The following DPP10 variants were observed in gnomAD, a reference collection of about 807,000 sequenced individuals.
The protein encoded by DPP10 is dipeptidyl peptidase like 10.
DPP10 carries 33 observed loss-of-function variants against 120.9 expected under a neutral mutation model. That is an observed-to-expected ratio of 0.27 (90% confidence interval 0.21 to 0.37). The LOEUF (loss-of-function observed/expected upper bound fraction) is 0.37, where lower values mean the gene tolerates loss of function less well. Among genes scored for constraint, DPP10 ranks in the 10% least tolerant of loss-of-function variants. The probability of loss-of-function intolerance (pLI) is 1.00; values close to 1 mark genes in which losing one functional copy is unlikely to be tolerated. For missense variants in DPP10, 816 were observed against 942.8 expected (o/e 0.87, Z 1.76); for synonymous variants, 337 against 326.1 (o/e 1.03, Z -0.36).
intron 1 of DPP10, among the ~76,000 whole-genome samples, chr2:115,058,829 C>A (rs1183501198): frequency 6.6e-6 from 1 of 152,130 alleles, no homozygotes; most frequent in Non-Finnish European, 1.5e-5. Flanking sequence ...CCATTCACAG[C>A]CTTGGTCTTC....
intron 1 of DPP10, among the ~76,000 whole-genome samples, chr2:114,633,283 G>A (rs1381267878): frequency 1.9e-5 from 2 of 105,030 alleles, no homozygotes; most frequent in South Asian, 5.8e-4. Context: ...ACAGAGTCTC[G>A]CTCTATCACC....
In DPP10 at chr2:115,736,627, A is replaced by T. The variant is rs190276838; in HGVS notation, c.698-3112A>T. On this transcript the variant is annotated intron_variant, in intron 8 of 25. Transcript: ENST00000410059. Reference sequence around the variant, plus strand: ...CAAAATGCTACACTGTCTTGATGGAAAGGTTTTCATATAATTCATGTGCCT... The same window carrying T: ...CAAAATGCTACACTGTCTTGATGGATAGGTTTTCATATAATTCATGTGCCT... Among the ~76,000 whole-genome samples, 44 of 152,244 alleles carry T rather than the reference A, an allele frequency of 2.9e-4. No individual in the cohort carries two copies. In the East Asian group the frequency reaches 7.9e-3, roughly 27 times the overall value.
intron 3 of DPP10, chr2:115,468,130 AG>A: frequency 4.1e-6 from 2 of 491,974 alleles, no homozygotes; most frequent in Non-Finnish European, 8.1e-6. Context: ...GAACCCACTT[AG>A]GTGGCACCAA....
In DPP10 at chr2:115,842,412, AT is replaced by A; in HGVS notation, c.*68del. The A allele has an allele frequency of 6.5e-7, 1 of 1,532,668 alleles. No homozygotes were observed. 94.9% of individuals were successfully genotyped at this position (1,532,668 alleles called of 1,614,324 possible). On this transcript the variant is annotated 3_prime_UTR_variant, in exon 26 of 26. Coordinates refer to ENST00000410059, the MANE Select transcript of DPP10 (RefSeq NM_020868.6). ...AATGAAACCTGACAAAGAGACTGTAATATTGTAGTTGCTCCAGAATGTCAAG... is the reference window on the plus strand; with the variant it reads ...AATGAAACCTGACAAAGAGACTGTAAATTGTAGTTGCTCCAGAATGTCAAG...
intron 1 of DPP10, among the ~76,000 whole-genome samples, chr2:114,888,085 G>T (rs1692218708): frequency 6.6e-6 from 1 of 150,902 alleles, no homozygotes. Flanking sequence ...GGAGCTTGCA[G>T]TGAGCCGAGG....
intron 1 of DPP10, among the ~76,000 whole-genome samples, chr2:115,292,395 A>G (rs1385692881): frequency 6.6e-6 from 1 of 152,134 alleles, no homozygotes; most frequent in East Asian, 1.9e-4. Flanking sequence ...AAACTCAAGA[A>G]AAACTACTTT....
intron 24 of DPP10, 86 bp downstream of exon 24, chr2:115,836,832 T>C: frequency 3.2e-6 from 4 of 1,258,838 alleles, no homozygotes; most frequent in Non-Finnish European, 4.4e-6. Flanking sequence ...CAGGAAGCCC[T>C]GTAAACCTTC....
intron 1 of DPP10, among the ~76,000 whole-genome samples, chr2:114,604,291 C>T (rs1358645893): frequency 6.6e-6 from 1 of 152,044 alleles, no homozygotes; most frequent in Non-Finnish European, 1.5e-5. Flanking sequence ...CCAGACCTAG[C>T]CAAGGACCAA....
In DPP10 at chr2:115,378,160, C is replaced by T. The variant is rs973826190; in HGVS notation, c.271+34248C>T. Among the ~76,000 whole-genome samples, 399 of 152,220 alleles carry T rather than the reference C, an allele frequency of 2.6e-3. 1 individual carries two copies. The highest frequency in any genetic ancestry group is 6.4e-3 in the African/African-American group (267 of 41,522). ...ACCTTGGGCAGTATGGCCATTTTCA[C>T]GCTATTGATTCTTCCTACCCATGAG... is the stretch of plus-strand genomic sequence containing the variant. On this transcript the variant is annotated intron_variant, in intron 3 of 25. Coordinates refer to ENST00000410059, the MANE Select transcript of DPP10 (RefSeq NM_020868.6).
intron 1 of DPP10, among the ~76,000 whole-genome samples, chr2:114,776,039 CAAG>C (rs1440063641): frequency 1.3e-5 from 2 of 152,038 alleles, no homozygotes. Context: ...TGGAAGAAGT[CAAG>C]AATGTCTTCC....
intron 21 of DPP10, among the ~76,000 whole-genome samples, chr2:115,822,307 T>C (rs1687892543): frequency 6.6e-6 from 1 of 151,976 alleles, no homozygotes; most frequent in Non-Finnish European, 1.5e-5. Context: ...TGAGATATAA[T>C]TGACATACCA....
At chr2:115,040,713 C>T (rs1372382544) in intron 1 of DPP10, among the ~76,000 whole-genome samples, 2 of 151,850 alleles carry the variant, frequency 1.3e-5, no homozygotes, top group African/African-American at 2.4e-5. Context: ...GAGTGTGTGC[C>T]GTGAGATTTG....
intron 4 of DPP10, among the ~76,000 whole-genome samples, chr2:115,510,742 G>C (rs991331442): frequency 6.6e-6 from 1 of 152,064 alleles, no homozygotes; most frequent in Non-Finnish European, 1.5e-5. Flanking sequence ...GAAAAATAGT[G>C]CTACACTAAC....
intron 1 of DPP10, among the ~76,000 whole-genome samples, chr2:114,626,623 T>A (rs1694536881): frequency 6.6e-6 from 1 of 152,010 alleles, no homozygotes. Context: ...GCAGATCTAG[T>A]TTGAGAATGA....
chr2:114,903,722 G>T (rs906767961), intron 1 of DPP10, among the ~76,000 whole-genome samples: 1 of 152,164 alleles, frequency 6.6e-6, no homozygotes, highest in African/African-American at 2.4e-5. Context: ...TCTTTGGGAG[G>T]TTATTAAAAC....
intron 1 of DPP10, among the ~76,000 whole-genome samples, chr2:115,241,269 A>AAAATAAATAAATAAAT (rs58134986): frequency 1.3e-5 from 2 of 151,052 alleles, no homozygotes; most frequent in Non-Finnish European, 2.9e-5. Flanking sequence ...ACTCTATCTC[A>AAAATAAATAAATAAAT]AAATAAATAA....
At chr2:114,832,786 G>A (rs539923375) in intron 1 of DPP10, among the ~76,000 whole-genome samples, 1 of 152,172 alleles carries the variant, frequency 6.6e-6, no homozygotes, top group South Asian at 2.1e-4. Context: ...AAGGAGTTCT[G>A]CAATGCTATG....
chr2:114,595,148 T>C (rs1691804480), intron 1 of DPP10, among the ~76,000 whole-genome samples: 1 of 152,120 alleles, frequency 6.6e-6, no homozygotes, highest in Non-Finnish European at 1.5e-5. Context: ...CTACCTAAAG[T>C]CCCGTCTCCA....
chr2:114,638,568 C>T (rs564555886), intron 1 of DPP10, among the ~76,000 whole-genome samples: 1 of 151,942 alleles, frequency 6.6e-6, no homozygotes, highest in South Asian at 2.1e-4. Flanking sequence ...CTCAGAACCA[C>T]AGTGTGATAC....
Sources: allele counts gnomAD v4.1 joint callset (sites outside exome capture counted in the v4.1 genomes callset), GRCh38; gene constraint gnomAD v4.1.1; transcripts MANE v1.5; gene names NCBI Gene and HGNC (gene_info 2026-07-23, HGNC 2026-07-21).